PCDHA5: variants seen among roughly 807,000 people sequenced by gnomAD.
PCDHA5 encodes the protein protocadherin alpha-5.
In PCDHA5, 43 loss-of-function variants were observed where a neutral mutation model predicts 61.6. The ratio of observed to expected loss-of-function variants is 0.70; its 90% CI spans 0.55 to 0.90. The LOEUF (loss-of-function observed/expected upper bound fraction) is 0.90. Among genes scored for constraint, PCDHA5 ranks in the 40% least tolerant of loss-of-function variants. The pLI, the probability that PCDHA5 is intolerant of heterozygous loss-of-function variation, is 0.00. For synonymous variants in PCDHA5, 627 were observed against 543.9 expected, an observed-to-expected ratio of 1.15 and a Z score of -2.13; for missense variants, 1,298 against 1,222.7, an observed-to-expected ratio of 1.06 and a Z score of -0.92.
At chr5:140,963,198 A>G (rs2095745338) in intron 1 of PCDHA5, among the ~76,000 whole-genome samples, 1 of 151,784 alleles carries the variant, frequency 6.6e-6, no homozygotes, top group South Asian at 2.1e-4. Context: ...GTGAAAATGA[A>G]AAAAAAAACC....
At chr5:140,864,370 C>T (rs185774022) in intron 1 of PCDHA5, 45 of 152,264 alleles carry the variant, frequency 3.0e-4, no homozygotes, top group African/African-American at 8.2e-4. Flanking sequence ...TTTCTATAAT[C>T]GATAAGTTTA....
At chr5:140,843,440 G>A in intron 1 of PCDHA5, 2 of 1,596,090 alleles carry the variant, frequency 1.3e-6, no homozygotes, top group African/African-American at 2.7e-5. Flanking sequence ...CATCTGCGCG[G>A]TATCCAGCCT....
chr5:140,869,371 A>G (rs559164668), intron 1 of PCDHA5: 1 of 1,614,110 alleles, frequency 6.2e-7, no homozygotes, highest in East Asian at 2.2e-5. Flanking sequence ...GAATTCTCGG[A>G]TCGACCGCGA....
intron 1 of PCDHA5, among the ~76,000 whole-genome samples, chr5:140,958,318 CA>C (rs2095417948): frequency 6.6e-6 from 1 of 151,816 alleles, no homozygotes; most frequent in Non-Finnish European, 1.5e-5. Flanking sequence ...AATTAGAGCT[CA>C]AAAAATAAAT....
chr5:140,850,267 T>C, intron 1 of PCDHA5: 1 of 1,592,602 alleles, frequency 6.3e-7, no homozygotes, highest in Non-Finnish European at 8.6e-7. Flanking sequence ...GGCGTAGTGG[T>C]GGGGAAGGTG....
intron 2 of PCDHA5, among the ~76,000 whole-genome samples, chr5:140,980,255 C>T (rs782489996): frequency 2.0e-4 from 31 of 152,210 alleles, no homozygotes; most frequent in Middle Eastern, 3.2e-3. Flanking sequence ...TGGGTAAAAG[C>T]ATGGTTTACA....
intron 1 of PCDHA5, among the ~76,000 whole-genome samples, chr5:140,963,436 T>C (rs148474994): frequency 0.01 from 1,563 of 152,364 alleles, 89 homozygotes; most frequent in Admixed American, 0.092. Context: ...ACTAACTTCA[T>C]ACTCTGTTGC....
intron 1 of PCDHA5, among the ~76,000 whole-genome samples, chr5:140,940,236 A>G (rs1487572447): frequency 1.3e-5 from 2 of 152,200 alleles, no homozygotes; most frequent in East Asian, 3.8e-4. Flanking sequence ...TTGGTACATT[A>G]AAGTTACCTC....
In PCDHA5 at chr5:140,843,023, C is replaced by G. The variant is rs2150350362; in HGVS notation, c.2352+18896C>G. 1.3e-5 allele frequency: 21 copies of G among 1,595,146 alleles called. 2 individuals carry two copies. The highest frequency in any genetic ancestry group is 7.7e-5 in the South Asian group (7 of 90,508). On this transcript the variant is annotated intron_variant, in intron 1 of 3. Coordinates refer to ENST00000529859, the MANE Select transcript of PCDHA5 (RefSeq NM_018908.3). ...TGACAACGCGCCGGCACTGCTGGAG[C>G]CTCGGGTGGGTGGCACTGGTGGCGC...
At chr5:140,877,839 A>G (rs2057367244) in intron 1 of PCDHA5, 12 of 1,582,068 alleles carry the variant, frequency 7.6e-6, no homozygotes, top group Non-Finnish European at 9.4e-6. Flanking sequence ...CTCCCAGTGA[A>G]GTAAGTTATT....
chr5:140,852,594 T>G (rs1554145952), intron 1 of PCDHA5: 2 of 893,746 alleles, frequency 2.2e-6, no homozygotes, highest in African/African-American at 3.6e-5. Flanking sequence ...TTTTTTTTTT[T>G]GTCATTTTCT....
chr5:140,926,505 TC>T, intron 1 of PCDHA5: 1 of 190,688 alleles, frequency 5.2e-6, no homozygotes. Flanking sequence ...TCGGGGCGTC[TC>T]CCAGGCTCCG....
At chr5:140,889,331 T>A (rs2153427061) in intron 1 of PCDHA5, among the ~76,000 whole-genome samples, 1 of 152,216 alleles carries the variant, frequency 6.6e-6, no homozygotes, top group Middle Eastern at 3.4e-3. Flanking sequence ...ATCAGGATTT[T>A]GATTGGTGGG....
At chr5:140,939,987 C>T (rs2092516961) in intron 1 of PCDHA5, among the ~76,000 whole-genome samples, 1 of 152,060 alleles carries the variant, frequency 6.6e-6, no homozygotes. Flanking sequence ...TGAATTGTTT[C>T]TCCTTGGATT....
chr5:140,884,096 G>T (rs782587372), intron 1 of PCDHA5: 1 of 1,613,580 alleles, frequency 6.2e-7, no homozygotes, highest in Non-Finnish European at 8.5e-7. Flanking sequence ...GCTTTCGTAT[G>T]AATTGCAGCT....
intron 1 of PCDHA5, chr5:140,968,479 C>T (rs2096250195): frequency 1.2e-6 from 2 of 1,614,010 alleles, no homozygotes; most frequent in South Asian, 2.2e-5. Flanking sequence ...ATGTGGTGGA[C>T]ATGAATGACC....
intron 1 of PCDHA5, among the ~76,000 whole-genome samples, chr5:140,891,557 A>G (rs549418095): frequency 6.6e-6 from 1 of 151,608 alleles, no homozygotes; most frequent in Non-Finnish European, 1.5e-5. Flanking sequence ...TTATTTTAGT[A>G]CTCTAATTAA....
intron 1 of PCDHA5, chr5:140,926,342 G>T (rs1238404747): frequency 6.6e-6 from 1 of 152,270 alleles, no homozygotes; most frequent in Admixed American, 6.5e-5. Flanking sequence ...GCCGGGACCC[G>T]ACGCGCGGCT....
chr5:140,906,615 T>C (rs2072789527), intron 1 of PCDHA5, among the ~76,000 whole-genome samples: 1 of 152,226 alleles, frequency 6.6e-6, no homozygotes, highest in Admixed American at 6.5e-5. Context: ...TGTATTCCCT[T>C]TGCCTTCAGC....
Sources: gnomAD v4.1 joint callset for allele counts (sites outside exome capture counted in the v4.1 genomes callset) on GRCh38, gnomAD v4.1.1 for gene constraint, MANE v1.5 for transcripts, NCBI Gene and HGNC (gene_info 2026-07-23, HGNC 2026-07-21) for gene names.